Variants in COL19A1 observed in about 807,000 individuals in gnomAD.
COL19A1 encodes collagen type XIX alpha 1 chain.
A neutral mutation model predicts 190.2 loss-of-function variants in COL19A1; 159 were observed. The observed-to-expected ratio is 0.84, with a 90% CI of 0.73 to 0.95. The LOEUF (loss-of-function observed/expected upper bound fraction) is 0.95. Ranked by LOEUF, COL19A1 falls within the 40% of genes least tolerant of loss-of-function variation. COL19A1 has a pLI of 0.00. For synonymous variants in COL19A1, 509 were observed against 458.9 expected, an observed-to-expected ratio of 1.11 and a Z score of -1.39; for missense variants, 1,418 against 1,431.9, an observed-to-expected ratio of 0.99 and a Z score of 0.16.
intron 15 of COL19A1, among the ~76,000 whole-genome samples, chr6:70,071,082 G>T (rs956570172): frequency 6.6e-6 from 1 of 151,894 alleles, no homozygotes; most frequent in African/African-American, 2.4e-5. Flanking sequence ...TTAACTTGTT[G>T]GTTTTCATCA....
intron 9 of COL19A1, among the ~76,000 whole-genome samples, chr6:69,941,690 CTTTT>C (rs534792473): frequency 7.7e-6 from 1 of 130,550 alleles, no homozygotes; most frequent in African/African-American, 2.8e-5. Flanking sequence ...GTGCTAGTTG[CTTTT>C]TTTTTTTTTT....
At chr6:69,899,433 G>A (rs1007792543) in intron 3 of COL19A1, among the ~76,000 whole-genome samples, 3 of 152,064 alleles carry the variant, frequency 2.0e-5, no homozygotes, top group African/African-American at 7.2e-5. Context: ...GATTGCAGGC[G>A]TGAGCCACCA....
At chr6:70,086,667 A>G (rs1299939578) in intron 15 of COL19A1, among the ~76,000 whole-genome samples, 1 of 152,228 alleles carries the variant, frequency 6.6e-6, no homozygotes, top group Admixed American at 6.5e-5. Context: ...CAAAAACAAA[A>G]ATAAAAACAA....
rs900442639 is a variant in COL19A1 at position 70,209,279 on chromosome 6, AT to A, written c.*2009del. 1.3e-5 allele frequency: 2 copies of A among 151,898 alleles called. No homozygotes were observed. Among genetic ancestry groups the A allele is most frequent in the African/African-American group, 4.9e-5 (2 of 40,816 alleles). 9.4% of individuals were successfully genotyped at this position (151,898 alleles called of 1,614,324 possible). ...ACTTGAATTTGTCATAAAGCTAAAT[AT>A]TTTATATGTTTTCAAAGATTATTTT... On this transcript the variant is annotated 3_prime_UTR_variant, in exon 51 of 51. Coordinates refer to ENST00000620364, the MANE Select transcript of COL19A1 (RefSeq NM_001858.6).
intron 14 of COL19A1, among the ~76,000 whole-genome samples, chr6:70,050,843 A>G (rs1172061707): frequency 1.3e-5 from 2 of 152,268 alleles, no homozygotes; most frequent in Non-Finnish European, 2.9e-5. Context: ...TAAGACTCCT[A>G]TTATCTGTTC....
chr6:70,086,784 A>G (rs535706164), intron 15 of COL19A1, among the ~76,000 whole-genome samples: 3 of 151,474 alleles, frequency 2.0e-5, no homozygotes, highest in Non-Finnish European at 4.4e-5. Context: ...ACTTTTTCTC[A>G]TTAGTACAAA....
At chr6:69,976,906 C>T (rs1215043284) in intron 11 of COL19A1, among the ~76,000 whole-genome samples, 1 of 152,128 alleles carries the variant, frequency 6.6e-6, no homozygotes, top group East Asian at 1.9e-4. Flanking sequence ...GTAGGGAATA[C>T]CACCTGACCA....
chr6:69,915,593 A>T (rs547747226), intron 4 of COL19A1, among the ~76,000 whole-genome samples: 2 of 152,284 alleles, frequency 1.3e-5, no homozygotes, highest in South Asian at 2.1e-4. Flanking sequence ...TGATTTCACA[A>T]TTCAGGGAAT....
intron 1 of COL19A1, among the ~76,000 whole-genome samples, chr6:69,878,265 G>A (rs943782549): frequency 7.9e-5 from 12 of 151,602 alleles, no homozygotes; most frequent in Admixed American, 7.9e-4. Context: ...CCAGGCTGGA[G>A]TTCAGTGGCA....
At chr6:70,063,238 A>T (rs199740136) in intron 14 of COL19A1, among the ~76,000 whole-genome samples, 3 of 152,058 alleles carry the variant, frequency 2.0e-5, no homozygotes, top group South Asian at 2.1e-4. Context: ...GAAGTAAAGC[A>T]CTCCTCAGCA....
At chr6:70,149,470 A>G (rs1786889394) in intron 27 of COL19A1, among the ~76,000 whole-genome samples, 1 of 152,130 alleles carries the variant, frequency 6.6e-6, no homozygotes, top group South Asian at 2.1e-4. Flanking sequence ...GTAATGATAT[A>G]GATGTCCCAA....
chr6:70,033,954 A>G (rs963786468), intron 12 of COL19A1, among the ~76,000 whole-genome samples: 1 of 152,148 alleles, frequency 6.6e-6, no homozygotes, highest in African/African-American at 2.4e-5. Flanking sequence ...TTAAAAGCTC[A>G]TATAGATCTA....
intron 9 of COL19A1, among the ~76,000 whole-genome samples, chr6:69,940,627 A>T (rs540289182): frequency 6.6e-6 from 1 of 152,318 alleles, no homozygotes; most frequent in East Asian, 1.9e-4. Context: ...TTCCATGATA[A>T]TTCATAATGG....
At chr6:70,150,631 T>C (rs1346484120) in intron 30 of COL19A1, among the ~76,000 whole-genome samples, 2 of 152,158 alleles carry the variant, frequency 1.3e-5, no homozygotes, top group Non-Finnish European at 2.9e-5. Context: ...ATATGGTACA[T>C]GACATTGTAT....
In COL19A1 at chr6:69,955,522, A is replaced by AGTGTGT. The variant is rs60501043; in HGVS notation, c.937-4435_937-4430dup. Reference sequence around the variant, plus strand: ...CAAAACTGTATAGTAGCCACAGCAAAGTGTGTGTGTGTGTGTGTGTGTGTG... The same window carrying AGTGTGT: ...CAAAACTGTATAGTAGCCACAGCAAAGTGTGTGTGTGTGTGTGTGTGTGTGTGTGTG... On this transcript the variant is annotated intron_variant, in intron 9 of 50. Coordinates refer to ENST00000620364, the MANE Select transcript of COL19A1 (RefSeq NM_001858.6). 8.2e-3 allele frequency among the ~76,000 whole-genome samples: 1,136 copies of AGTGTGT among 138,938 alleles called. 12 individuals carry two copies. The highest frequency in any genetic ancestry group is 0.035 in the East Asian group (165 of 4,682). The allele number at this position is 138,938 out of a possible 152,430, so 91.1% of individuals were successfully genotyped here. A position where few individuals can be genotyped will look rare whatever the true frequency, so the allele number is the denominator to read the frequency against.
At chr6:70,138,016 T>A (rs1054805031) in intron 19 of COL19A1, among the ~76,000 whole-genome samples, 1 of 152,136 alleles carries the variant, frequency 6.6e-6, no homozygotes, top group Admixed American at 6.6e-5. Flanking sequence ...GTTAAAAAAC[T>A]TTGCCCAAAG....
At chr6:69,907,015 T>C (rs1406420521) in intron 4 of COL19A1, among the ~76,000 whole-genome samples, 2 of 152,190 alleles carry the variant, frequency 1.3e-5, no homozygotes, top group African/African-American at 2.4e-5. Flanking sequence ...ACATGATGTT[T>C]ACCTTGTCTT....
chr6:69,993,902 C>T (rs889417757), intron 11 of COL19A1, among the ~76,000 whole-genome samples: 1 of 151,474 alleles, frequency 6.6e-6, no homozygotes, highest in Non-Finnish European at 1.5e-5. Flanking sequence ...AAAAAGCCAG[C>T]TTTTGGTTTT....
At chr6:70,198,700 C>T (rs1767361601) in intron 48 of COL19A1, among the ~76,000 whole-genome samples, 1 of 152,130 alleles carries the variant, frequency 6.6e-6, no homozygotes. Context: ...TTATCTGTTG[C>T]TGCATAAGAA....
Sources: allele counts gnomAD v4.1 joint callset (sites outside exome capture counted in the v4.1 genomes callset), GRCh38; gene constraint gnomAD v4.1.1; transcripts MANE v1.5; gene names NCBI Gene and HGNC (gene_info 2026-07-23, HGNC 2026-07-21).